The following MARVELD2 variants were observed in gnomAD, a reference collection of about 807,000 sequenced individuals.
The protein encoded by MARVELD2 is MARVEL domain-containing protein 2.
Under a neutral mutation model 57.6 loss-of-function variants are expected in MARVELD2, and 49 were observed. The observed-to-expected ratio is 0.85, with a 90% CI of 0.68 to 1.08. The LOEUF (loss-of-function observed/expected upper bound fraction) is 1.08. MARVELD2 is among the 50% of genes least tolerant of loss of function. The pLI, the probability that MARVELD2 is intolerant of heterozygous loss-of-function variation, is 0.00. For missense variants in MARVELD2, 606 were observed against 701.1 expected (o/e 0.86, Z 1.53); for synonymous variants, 238 against 258.8 (o/e 0.92, Z 0.77).
At chr5:69,433,247 C>A (rs1580491848) in intron 5 of MARVELD2, among the ~76,000 whole-genome samples, 154 bp downstream of exon 5, 1 of 148,468 alleles carries the variant, frequency 6.7e-6, no homozygotes, top group Admixed American at 6.8e-5. Flanking sequence ...GCTGCAACCT[C>A]CACCTCCTGG....
intron 2 of MARVELD2, among the ~76,000 whole-genome samples, chr5:69,421,628 T>A (rs1024905299): frequency 3.9e-5 from 6 of 152,096 alleles, no homozygotes; most frequent in African/African-American, 1.2e-4. Flanking sequence ...AAAATTTTTT[T>A]AATTTTTTTT....
intron 5 of MARVELD2, among the ~76,000 whole-genome samples, chr5:69,437,735 A>G (rs1187240915): frequency 2.0e-5 from 3 of 152,046 alleles, no homozygotes; most frequent in East Asian, 1.9e-4. Context: ...CTTTGAGCCA[A>G]CACCCAGTGG....
intron 1 of MARVELD2, among the ~76,000 whole-genome samples, chr5:69,416,079 A>G (rs1055143778): frequency 7.9e-5 from 12 of 152,352 alleles, no homozygotes; most frequent in African/African-American, 2.6e-4. Context: ...CAAATAAGCC[A>G]CTTCACAGGT....
intron 3 of MARVELD2, among the ~76,000 whole-genome samples, chr5:69,428,975 A>T (rs1489779331): frequency 2.0e-5 from 3 of 152,240 alleles, no homozygotes; most frequent in Non-Finnish European, 4.4e-5. Context: ...ATTCATTAGG[A>T]TGAAGAAATG....
At chr5:69,434,022 TA>T (rs1767058474) in intron 5 of MARVELD2, among the ~76,000 whole-genome samples, 2 of 152,072 alleles carry the variant, frequency 1.3e-5, no homozygotes, top group Admixed American at 1.3e-4. Context: ...AGGAGACAGA[TA>T]GCACATTCAA....
At chr5:69,431,227 G>C (rs1021389317) in intron 3 of MARVELD2, among the ~76,000 whole-genome samples, 1 of 150,622 alleles carries the variant, frequency 6.6e-6, no homozygotes, top group African/African-American at 2.4e-5. Flanking sequence ...CCATTGTCCT[G>C]CCTCAGCCTC....
At chr5:69,440,928 A>G (rs1309384099) in intron 6 of MARVELD2, among the ~76,000 whole-genome samples, 1 of 152,074 alleles carries the variant, frequency 6.6e-6, no homozygotes, top group East Asian at 1.9e-4. Flanking sequence ...ACAAAAAAAT[A>G]CAAGCATTAG....
At chr5:69,422,151 T>C (rs1459097886) in intron 2 of MARVELD2, among the ~76,000 whole-genome samples, 5 of 152,122 alleles carry the variant, frequency 3.3e-5, no homozygotes, top group African/African-American at 1.2e-4. Flanking sequence ...TTGAGTTAAC[T>C]GCACAAATTG....
intron 1 of MARVELD2, among the ~76,000 whole-genome samples, chr5:69,416,358 A>G (rs1475217267): frequency 6.6e-6 from 1 of 152,202 alleles, no homozygotes; most frequent in Non-Finnish European, 1.5e-5. Context: ...TGGGGCCATC[A>G]CAGTTAATCC....
chr5:69,431,321 G>T lies in MARVELD2; in HGVS notation c.1183-1206G>T, dbSNP rs544464641. Among the ~76,000 whole-genome samples the T allele has an allele frequency of 1.3e-5, 2 of 151,744 alleles. 1 individual carries two copies. Among genetic ancestry groups the T allele is most frequent in the South Asian group, 4.2e-4 (2 of 4,790 alleles). ...GTAGAGACAGGGTTTCACCATGCTG[G>T]CCAGGCTGGTCTCGAACACCTGACC... On this transcript the variant is annotated intron_variant, in intron 3 of 6. Transcript: ENST00000325631.
chr5:69,420,661 T>G (rs973845684), intron 2 of MARVELD2, 130 bp downstream of exon 2: 2 of 935,010 alleles, frequency 2.1e-6, no homozygotes, highest in African/African-American at 3.3e-5. Flanking sequence ...TTCCTTTTTT[T>G]TTTTTTCAAT....
intron 1 of MARVELD2, among the ~76,000 whole-genome samples, chr5:69,418,766 C>G (rs1021334557): frequency 6.6e-6 from 1 of 152,162 alleles, no homozygotes; most frequent in East Asian, 1.9e-4. Flanking sequence ...TTTCGCTACA[C>G]TCAAACTCTT....
chr5:69,437,600 C>G (rs1443440180), intron 5 of MARVELD2, among the ~76,000 whole-genome samples: 1 of 151,342 alleles, frequency 6.6e-6, no homozygotes, highest in East Asian at 1.9e-4. Context: ...AGGAGAATGG[C>G]TTGAACCTGG....
intron 3 of MARVELD2, among the ~76,000 whole-genome samples, chr5:69,430,248 G>T (rs1488564767): frequency 6.6e-6 from 1 of 151,958 alleles, no homozygotes; most frequent in Non-Finnish European, 1.5e-5. Flanking sequence ...TGCACCTGTA[G>T]TCCCAGCTAT....
chr5:69,429,994 C>T (rs975400372), intron 3 of MARVELD2, among the ~76,000 whole-genome samples: 5 of 152,036 alleles, frequency 3.3e-5, no homozygotes, highest in Admixed American at 3.3e-4. Flanking sequence ...CAGCCTTGAC[C>T]TCCTGGGTTT....
rs1185123546 is a variant in MARVELD2 at position 69,419,769 on chromosome 5, GC to G, written c.388del (p.Leu130SerfsTer33). On this transcript the variant is annotated frameshift_variant, in exon 2 of 7. Transcript: ENST00000325631. LOFTEE classifies it high-confidence loss of function. ...CTCCAGCAAGACCAAACCACCGTTC[GC>G]CCCTCAACTCCTGCAAAGATCCCTA... is the stretch of plus-strand genomic sequence containing the variant. ...ASPARPNHRS[P>X]LNSCKDPYGG... The G allele has an allele frequency of 1.3e-5, 21 of 1,613,972 alleles. No individual in the cohort carries two copies. The highest frequency in any genetic ancestry group is 1.6e-5 in the Non-Finnish European group (19 of 1,180,022).
At chr5:69,441,397 A>T in intron 6 of MARVELD2, 135 bp from the exon 7 acceptor site, 1 of 993,372 alleles carries the variant, frequency 1.0e-6, no homozygotes, top group Non-Finnish European at 1.5e-6. Flanking sequence ...TAGAGAGCTT[A>T]ACTGTTACCC....
chr5:69,416,094 A>G (rs930725608), intron 1 of MARVELD2, among the ~76,000 whole-genome samples: 1 of 152,246 alleles, frequency 6.6e-6, no homozygotes, highest in Non-Finnish European at 1.5e-5. Flanking sequence ...ACAGGTGAAG[A>G]GTTAAATCCA....
chr5:69,432,630 C>T lies in MARVELD2; in HGVS notation c.1286C>T (p.Pro429Leu), dbSNP rs1554047535. 1.2e-6 allele frequency: 2 copies of T among 1,614,108 alleles called. No individual in the cohort carries two copies. Among genetic ancestry groups the T allele is most frequent in the Non-Finnish European group, 1.7e-6 (2 of 1,180,010 alleles). The change falls in exon 4 of 7, where the codon CCC becomes CTC. Residue 429 changes from proline (P) to leucine (L), a missense_variant. Coordinates refer to ENST00000325631, the MANE Select transcript of MARVELD2 (RefSeq NM_001038603.3). ...MKPELLSGHI[P>L]PGHIPKPIVM... ...CCTGAACTACTGAGTGGACACATCC[C>T]CCCAGGCCACATTCCTAAACCTATC...
Sources: gnomAD v4.1 joint callset for allele counts (sites outside exome capture counted in the v4.1 genomes callset) on GRCh38, gnomAD v4.1.1 for gene constraint, MANE v1.5 for transcripts, NCBI Gene and HGNC (gene_info 2026-07-23, HGNC 2026-07-21) for gene names.